PCDHA2: variants seen among roughly 807,000 people sequenced by gnomAD.
PCDHA2 encodes the protein protocadherin alpha-2.
A neutral mutation model predicts 66.0 loss-of-function variants in PCDHA2; 58 were observed. That is an observed-to-expected ratio of 0.88 (90% CI 0.71 to 1.09). The LOEUF (loss-of-function observed/expected upper bound fraction) is 1.09. Ranked by LOEUF, PCDHA2 falls within the 50% of genes least tolerant of loss-of-function variation. The pLI, the probability that PCDHA2 is intolerant of heterozygous loss-of-function variation, is 0.00. For missense variants in PCDHA2, 1,267 were observed against 1,242.3 expected, an observed-to-expected ratio of 1.02 and a Z score of -0.30; for synonymous variants, 634 against 554.0, an observed-to-expected ratio of 1.14 and a Z score of -2.03.
rs1050159776 is a variant in PCDHA2, at chr5:140,795,146, C to A, written c.182C>A (p.Pro61Gln). Residue 61 changes from proline (P) to glutamine (Q), a missense_variant, in exon 1 of 4, where the codon CCG becomes CAG. Physicochemically the swap from Pro to Gln is moderately conservative, Grantham distance 76. Coordinates refer to ENST00000526136, the MANE Select transcript of PCDHA2 (RefSeq NM_018905.3). ...DLGLELEELVPRLFRVASKRH... is the reference protein window; with the variant it reads ...DLGLELEELVQRLFRVASKRH... ...GGGCTGGAGCTGGAGGAGCTGGTGC[C>A]GCGCCTGTTCCGGGTGGCGTCCAAA... is the stretch of plus-strand genomic sequence containing the variant. The A allele has an allele frequency of 4.3e-6, 7 of 1,614,014 alleles. No individual in the cohort carries two copies. The highest frequency in any genetic ancestry group is 4.5e-5 in the East Asian group (2 of 44,880).
Position 140,895,899 on chromosome 5 carries a change from C to T in PCDHA2, c.2389-83050C>T, listed in dbSNP as rs181661173. Among the ~76,000 whole-genome samples, 21 of 152,308 alleles carry T rather than the reference C, an allele frequency of 1.4e-4. No homozygotes were observed. The East Asian group carries it at 2.5e-3, about 18-fold the overall frequency. ...CGATCTCGGCTCACTGCAACCTCCGCGTCCCGGGCTCAACAATTATCCTGC... is the reference window on the plus strand; with the variant it reads ...CGATCTCGGCTCACTGCAACCTCCGTGTCCCGGGCTCAACAATTATCCTGC... On this transcript the variant is annotated intron_variant, in intron 1 of 3. Transcript: ENST00000526136.
chr5:140,805,314 TC>T, intron 1 of PCDHA2: 1 of 1,275,330 alleles, frequency 7.8e-7, no homozygotes, highest in East Asian at 3.4e-5. Flanking sequence ...CCTCCTTTTT[TC>T]CAATGTGCTT....
At chr5:140,957,191 T>C (rs1302296413) in intron 1 of PCDHA2, among the ~76,000 whole-genome samples, 1 of 152,150 alleles carries the variant, frequency 6.6e-6, no homozygotes, top group Non-Finnish European at 1.5e-5. Flanking sequence ...TGATGACCGA[T>C]TGGGAATATA....
At chr5:140,924,901 A>AATAAAATAAAAT (rs145282866) in intron 1 of PCDHA2, among the ~76,000 whole-genome samples, 7 of 80,504 alleles carry the variant, frequency 8.7e-5, no homozygotes, top group Middle Eastern at 6.1e-3. Context: ...TCTCAAAAAA[A>AATAAAATAAAAT]AAAATAAAAT....
At chr5:140,967,885 A>G in intron 1 of PCDHA2, 1 of 1,614,134 alleles carries the variant, frequency 6.2e-7, no homozygotes, top group South Asian at 1.1e-5. Context: ...TGTATAGCCC[A>G]GTGCCTGAGA....
intron 1 of PCDHA2, chr5:140,884,459 G>A (rs530412188): frequency 8.1e-6 from 13 of 1,613,636 alleles, no homozygotes; most frequent in Non-Finnish European, 1.0e-5. Flanking sequence ...CACCGAGGGC[G>A]CGTGCGCGCC....
chr5:140,871,060 C>T (rs782751973), intron 1 of PCDHA2: 4 of 1,613,210 alleles, frequency 2.5e-6, no homozygotes, highest in Non-Finnish European at 3.4e-6. Context: ...GGTGAAGGAT[C>T]ACGGTGAGCC....
chr5:140,855,098 A>G (rs1204884452), intron 1 of PCDHA2, among the ~76,000 whole-genome samples: 1 of 149,990 alleles, frequency 6.7e-6, no homozygotes, highest in African/African-American at 2.4e-5. Flanking sequence ...CCTGTGCAGT[A>G]GCAATAATTA....
chr5:140,863,449 A>G (rs1166397854), intron 1 of PCDHA2: 4 of 570,946 alleles, frequency 7.0e-6, no homozygotes, highest in Admixed American at 4.2e-5. Flanking sequence ...TACTCGCAGC[A>G]AAGGAGATTT....
At chr5:140,965,716 C>T (rs75761543) in intron 1 of PCDHA2, among the ~76,000 whole-genome samples, 2,507 of 152,272 alleles carry the variant, frequency 0.016, 70 homozygotes, top group African/African-American at 0.056. Flanking sequence ...AGAAGAATCT[C>T]TTTAAAAATT....
intron 1 of PCDHA2, chr5:140,875,596 G>C (rs1554167787): frequency 1.9e-6 from 3 of 1,613,938 alleles, no homozygotes; most frequent in African/African-American, 2.7e-5. Flanking sequence ...GGCCAAACAC[G>C]GCACCTTCGT....
rs782468691 is a variant in PCDHA2 at position 140,962,448 on chromosome 5, A to C, written c.2389-16501A>C. Reference sequence around the variant, plus strand: ...TGTTACTTATCCAAAGATGGCTTGAATCTCTTATGGCTTGAATCTCTTTGT... The same window carrying C: ...TGTTACTTATCCAAAGATGGCTTGACTCTCTTATGGCTTGAATCTCTTTGT... On this transcript the variant is annotated intron_variant, in intron 1 of 3. Coordinates refer to ENST00000526136, the MANE Select transcript of PCDHA2 (RefSeq NM_018905.3). Among the ~76,000 whole-genome samples the C allele has an allele frequency of 4.7e-4, 72 of 152,232 alleles. 1 individual carries two copies. The highest frequency in any genetic ancestry group is 6.8e-3 in the Middle Eastern group (2 of 294).
intron 1 of PCDHA2, chr5:140,823,491 C>A (rs2150126356): frequency 6.2e-7 from 1 of 1,613,202 alleles, no homozygotes; most frequent in South Asian, 1.1e-5. Context: ...TGGGTGGCAC[C>A]GGCGGCGCAG....
intron 1 of PCDHA2, among the ~76,000 whole-genome samples, chr5:140,799,713 T>C (rs1027977592): frequency 1.3e-5 from 2 of 152,142 alleles, no homozygotes; most frequent in African/African-American, 4.8e-5. Flanking sequence ...TCTGAGTAAG[T>C]TGCAGTCCTG....
chr5:140,927,093 G>T (rs781998184), intron 1 of PCDHA2: 1 of 1,612,818 alleles, frequency 6.2e-7, no homozygotes, highest in Non-Finnish European at 8.5e-7. Flanking sequence ...TCTACTTCGG[G>T]GTGGATCTAC....
intron 1 of PCDHA2, chr5:140,827,834 A>G: frequency 2.3e-6 from 1 of 435,400 alleles, no homozygotes; most frequent in Non-Finnish European, 4.0e-6. Flanking sequence ...AAGTAGAGAA[A>G]AGAAGATACT....
intron 1 of PCDHA2, chr5:140,848,340 A>C (rs1781459761): frequency 3.4e-6 from 3 of 893,920 alleles, no homozygotes; most frequent in Admixed American, 2.4e-5. Flanking sequence ...ATCCAGACAA[A>C]TACAGCCCTT....
intron 1 of PCDHA2, among the ~76,000 whole-genome samples, chr5:140,963,050 G>C (rs2095732681): frequency 2.6e-5 from 4 of 152,030 alleles, no homozygotes; most frequent in Admixed American, 2.6e-4. Flanking sequence ...AGTCTATAAG[G>C]GTTTCTACAT....
At chr5:140,951,326 T>C (rs2094571744) in intron 1 of PCDHA2, among the ~76,000 whole-genome samples, 1 of 152,158 alleles carries the variant, frequency 6.6e-6, no homozygotes, top group Admixed American at 6.5e-5. Context: ...TTGAGATTCA[T>C]CATTCTGTTT....
Sources: allele counts gnomAD v4.1 joint callset (sites outside exome capture counted in the v4.1 genomes callset), GRCh38; gene constraint gnomAD v4.1.1; transcripts MANE v1.5; gene names NCBI Gene and HGNC (gene_info 2026-07-23, HGNC 2026-07-21).